ASTL: variants seen among roughly 807,000 people sequenced by gnomAD.
ASTL encodes the protein astacin-like metalloendopeptidase.
A neutral mutation model predicts 36.7 loss-of-function variants in ASTL; 27 were observed. That is an observed-to-expected ratio of 0.73 (90% CI 0.54 to 1.01). The LOEUF (loss-of-function observed/expected upper bound fraction) is 1.01. Among genes scored for constraint, ASTL ranks in the 50% least tolerant of loss-of-function variants. The pLI, the probability that ASTL is intolerant of heterozygous loss-of-function variation, is 0.00. For missense variants in ASTL, 524 were observed against 572.8 expected (o/e 0.91, Z 0.87); for synonymous variants, 222 against 228.1 (o/e 0.97, Z 0.24).
chr2:96,134,064 G>A lies in ASTL; in HGVS notation c.244-6C>T. 1 of 1,608,558 alleles carries A rather than the reference G, an allele frequency of 6.2e-7. No homozygotes were observed. The highest frequency in any genetic ancestry group is 8.5e-7 in the Non-Finnish European group (1 of 1,175,208). ...GACAGCAGTCGGAAGGGACTCTGAG[G>A]AGAGAGCAGCAGTTCAACCCCTGGG... On this transcript the variant is annotated splice_region_variant and splice_polypyrimidine_tract_variant and intron_variant, in intron 3 of 8. Transcript: ENST00000342380.
intron 3 of ASTL, among the ~76,000 whole-genome samples, 163 bp downstream of exon 3, chr2:96,135,188 A>G (rs149486500): frequency 6.6e-6 from 1 of 152,268 alleles, no homozygotes; most frequent in East Asian, 1.9e-4. Flanking sequence ...GCTTATTCCT[A>G]TTTCCTAACA....
chr2:96,131,289 AT>A (rs368954178), intron 6 of ASTL, among the ~76,000 whole-genome samples: 1 of 151,110 alleles, frequency 6.6e-6, no homozygotes, highest in Admixed American at 6.6e-5. Flanking sequence ...GTCTTTCATG[AT>A]TTTTTTTTAG....
chr2:96,132,479 G>A lies in ASTL; in HGVS notation c.637+61C>T. 1 of 1,480,738 alleles carries A rather than the reference G, an allele frequency of 6.8e-7. No homozygotes were observed. The highest frequency in any genetic ancestry group is 9.1e-7 in the Non-Finnish European group (1 of 1,096,088). The allele number at this position is 1,480,738 out of a possible 1,614,324, so 91.7% of individuals were successfully genotyped here. ...CTCACCCATGGGGACCAGGCGACTT[G>A]GGCCCAAGCCGTGCTGTCCCCTCCC... On this transcript the variant is annotated intron_variant, in intron 6 of 8. Coordinates refer to ENST00000342380, the MANE Select transcript of ASTL (RefSeq NM_001002036.4). This position sits in a 1 kb window ranked among gnomAD's most constrained non-coding sequence, Gnocchi z 5.4.
intron 8 of ASTL, among the ~76,000 whole-genome samples, chr2:96,126,273 A>G (rs1174186544): frequency 6.6e-6 from 1 of 152,276 alleles, no homozygotes; most frequent in African/African-American, 2.4e-5. Context: ...ACATCTGATG[A>G]GGGACATGTG....
rs1390980781 is a variant in ASTL, at chr2:96,132,736, G to C, written c.456-15C>G. 4 of 1,597,364 alleles carry C rather than the reference G, an allele frequency of 2.5e-6. No individual in the cohort carries two copies. The African/African-American group carries it at 4.0e-5, about 16-fold the overall frequency. On this transcript the variant is annotated splice_polypyrimidine_tract_variant and intron_variant, in intron 5 of 8. Transcript: ENST00000342380. The surrounding 1 kb of genome is among the most constrained non-coding windows in gnomAD (Gnocchi z 5.4). ...TCGAGAAGCACCTGCAGGGTGATGA[G>C]AGCAAGTGGGGTAAGTGCCAGCCCA...
intron 8 of ASTL, among the ~76,000 whole-genome samples, chr2:96,125,819 C>T (rs1181665172): frequency 3.3e-5 from 5 of 152,148 alleles, no homozygotes; most frequent in African/African-American, 1.2e-4. Context: ...GTGCTCACCT[C>T]TAATCCTAGC....
Position 96,132,645 on chromosome 2 carries a change from C to T in ASTL, c.532G>A (p.Gly178Ser). The change falls in exon 6 of 9, where the codon GGC (glycine) becomes AGC (serine). Residue 178 changes from glycine to serine, a missense_variant. Coordinates refer to ENST00000342380, the MANE Select transcript of ASTL (RefSeq NM_001002036.4). This position sits in a 1 kb window ranked among gnomAD's most constrained non-coding sequence, Gnocchi z 5.4. ...TGCATGAGCTCATGAAGGACAATGC[C>T]CCGGCCCTTCTGGAGACACGTGGGC... ...LAPTCLQKGR[G>S]IVLHELMHVL... 6.2e-7 allele frequency: 1 copy of T among 1,613,682 alleles called. No homozygotes were observed. The highest frequency in any genetic ancestry group is 8.5e-7 in the Non-Finnish European group (1 of 1,179,830).
intron 8 of ASTL, among the ~76,000 whole-genome samples, chr2:96,125,824 C>A (rs1254467709): frequency 6.6e-6 from 1 of 152,158 alleles, no homozygotes; most frequent in African/African-American, 2.4e-5. Flanking sequence ...CACCTCTAAT[C>A]CTAGCTACTC....
chr2:96,138,376 G>A lies in ASTL; in HGVS notation c.55+6C>T, dbSNP rs1049633738. 48 of 1,607,028 alleles carry A rather than the reference G, an allele frequency of 3.0e-5. No individual in the cohort carries two copies. Among genetic ancestry groups the A allele is most frequent in the Non-Finnish European group, 4.0e-5 (47 of 1,176,554 alleles). On this transcript the variant is annotated splice_donor_region_variant and intron_variant, in intron 1 of 8. Coordinates refer to ENST00000342380, the MANE Select transcript of ASTL (RefSeq NM_001002036.4). ...CAGCAGCAGGAGGGACAGGCAGCCA[G>A]CTTACCTGGCAAGGAGAGCAGACCC...
chr2:96,127,886 T>C (rs182094598), intron 8 of ASTL, among the ~76,000 whole-genome samples: 2 of 152,264 alleles, frequency 1.3e-5, no homozygotes, highest in East Asian at 1.9e-4. Context: ...GGTTTGTTCT[T>C]ATATTAATGT....
In ASTL at chr2:96,132,474, G is replaced by A. The variant is rs573922224; in HGVS notation, c.637+66C>T. On this transcript the variant is annotated intron_variant, in intron 6 of 8. Transcript: ENST00000342380. This position sits in a 1 kb window ranked among gnomAD's most constrained non-coding sequence, Gnocchi z 5.4. ...ATAGCCTCACCCATGGGGACCAGGC[G>A]ACTTGGGCCCAAGCCGTGCTGTCCC... The A allele has an allele frequency of 3.5e-5, 51 of 1,457,886 alleles. No individual in the cohort carries two copies. The highest frequency in any genetic ancestry group is 2.5e-4 in the Middle Eastern group (1 of 3,974). The allele number at this position is 1,457,886 out of a possible 1,614,324, so 90.3% of individuals were successfully genotyped here.
At chr2:96,138,523 C>G (rs370429384), upstream of ASTL, 158 of 1,158,466 alleles carry the variant, frequency 1.4e-4, 1 homozygote, top group East Asian at 3.8e-3. Context: ...CCACCACCCC[C>G]TCTTAAATAG....
intron 5 of ASTL, 51 bp downstream of exon 5, chr2:96,133,374 G>C (rs374039337): frequency 1.6e-5 from 20 of 1,248,516 alleles, no homozygotes; most frequent in Non-Finnish European, 2.4e-5. Context: ...AGTTAATTCC[G>C]GGCTGAACGC....
Position 96,135,421 on chromosome 2 carries a change from G to A in ASTL, c.182-9C>T, listed in dbSNP as rs1037228605. The A allele has an allele frequency of 2.5e-6, 4 of 1,613,780 alleles. No homozygotes were observed. The highest frequency in any genetic ancestry group is 2.5e-6 in the Non-Finnish European group (3 of 1,179,882). On this transcript the variant is annotated splice_polypyrimidine_tract_variant and intron_variant, in intron 2 of 8. Transcript: ENST00000342380. ...TTCTTCCAGGATGAGCCCTGGGAAA[G>A]GAAGAAGGACGTGTTGGCCCATGTC... is the stretch of plus-strand genomic sequence containing the variant.
intron 8 of ASTL, among the ~76,000 whole-genome samples, chr2:96,126,772 C>T (rs1356302356): frequency 6.6e-6 from 1 of 151,724 alleles, no homozygotes; most frequent in Non-Finnish European, 1.5e-5. Flanking sequence ...AGGAGAATTG[C>T]TTGAACCCTG....
intron 2 of ASTL, 110 bp from the exon 3 acceptor site, chr2:96,135,522 G>T: frequency 1.1e-6 from 1 of 914,610 alleles, no homozygotes; most frequent in South Asian, 1.6e-5. Context: ...CTTTCCTAGT[G>T]GATTGTTACT....
Position 96,123,123 on chromosome 2 carries a change from C to G in ASTL, c.*727G>C, listed in dbSNP as rs1681991111. ...AGGAGGACAAGCCAGGTAACCCCAGCCCTTTCTCCTTCCAAGGCTGCGCCT... is the reference window on the plus strand; with the variant it reads ...AGGAGGACAAGCCAGGTAACCCCAGGCCTTTCTCCTTCCAAGGCTGCGCCT... On this transcript the variant is annotated 3_prime_UTR_variant, in exon 9 of 9. Transcript: ENST00000342380. 6.6e-6 allele frequency among the ~76,000 whole-genome samples: 1 copy of G among 152,242 alleles called. No individual in the cohort carries two copies.
At chr2:96,135,680 A>G (rs546351951) in intron 2 of ASTL, among the ~76,000 whole-genome samples, 1 of 152,272 alleles carries the variant, frequency 6.6e-6, no homozygotes, top group Admixed American at 6.5e-5. Context: ...GGACAAAGAC[A>G]AAGGAGACTG....
At position 96,123,829 on chromosome 2, in the gene ASTL, T is replaced by C. The variant is rs762547132; in HGVS notation, c.*21A>G. On this transcript the variant is annotated 3_prime_UTR_variant, in exon 9 of 9. Coordinates refer to ENST00000342380, the MANE Select transcript of ASTL (RefSeq NM_001002036.4). ...ACTGGGCAGAGGATGCCCTCCCTAC[T>C]TGGGGACAGAAGCCACAGGCTTAAT... 1.2e-5 allele frequency: 19 copies of C among 1,602,134 alleles called. No individual in the cohort carries two copies. The highest frequency in any genetic ancestry group is 1.7e-4 in the Middle Eastern group (1 of 6,040).
Sources: allele counts gnomAD v4.1 joint callset (sites outside exome capture counted in the v4.1 genomes callset), GRCh38; gene constraint gnomAD v4.1.1; non-coding constraint Gnocchi (gnomAD v3.1); transcripts MANE v1.5; gene names NCBI Gene and HGNC (gene_info 2026-07-23, HGNC 2026-07-21).